Variants in MDGA2 observed in about 807,000 individuals in gnomAD.
MDGA2 encodes the protein MAM domain containing glycosylphosphatidylinositol anchor 2, also known as MAM domain-containing glycosylphosphatidylinositol anchor protein 2.
MDGA2 carries 40 observed loss-of-function variants against 117.8 expected under a neutral mutation model. The observed-to-expected ratio is 0.34, with a 90% confidence interval of 0.26 to 0.44. The LOEUF (loss-of-function observed/expected upper bound fraction) is 0.44, where lower values mean the gene tolerates loss of function less well. Ranked by LOEUF, MDGA2 falls within the 20% of genes least tolerant of loss-of-function variation. MDGA2 has a pLI of 1.00. For synonymous variants in MDGA2, 452 were observed against 439.0 expected (o/e 1.03, Z -0.37); for missense variants, 1,123 against 1,250.6 (o/e 0.90, Z 1.54).
chr14:47,436,720 A>G (rs1892906943), intron 1 of MDGA2, among the ~76,000 whole-genome samples: 1 of 152,102 alleles, frequency 6.6e-6, no homozygotes. Context: ...TTTTTTTAGG[A>G]AAGTTTATGA....
intron 1 of MDGA2, among the ~76,000 whole-genome samples, chr14:47,316,112 A>G (rs1195112411): frequency 6.6e-6 from 1 of 152,006 alleles, no homozygotes; most frequent in Non-Finnish European, 1.5e-5. Flanking sequence ...TATAATGGGG[A>G]TGATATGGCT....
intron 2 of MDGA2, among the ~76,000 whole-genome samples, chr14:47,240,107 C>T (rs1160300522): frequency 5.9e-5 from 9 of 151,672 alleles, no homozygotes; most frequent in East Asian, 1.9e-4. Flanking sequence ...TGCAGTGGCA[C>T]GATCTCGGCT....
intron 15 of MDGA2, among the ~76,000 whole-genome samples, chr14:46,848,368 T>C (rs1445977732): frequency 1.3e-5 from 2 of 151,904 alleles, no homozygotes; most frequent in Admixed American, 6.6e-5. Context: ...TACTTCCAGA[T>C]GGGAGTCATA....
At chr14:47,007,052 A>C (rs946424010) in intron 8 of MDGA2, among the ~76,000 whole-genome samples, 7 of 151,788 alleles carry the variant, frequency 4.6e-5, no homozygotes, top group African/African-American at 7.2e-5. Context: ...TAAAAGTTCC[A>C]AGTTCCAGGT....
At chr14:47,153,729 T>C (rs923927707) in intron 3 of MDGA2, among the ~76,000 whole-genome samples, 5 of 144,392 alleles carry the variant, frequency 3.5e-5, no homozygotes, top group African/African-American at 1.0e-4. Flanking sequence ...AAAAAAACAG[T>C]TGGGCGGGAG....
chr14:47,499,891 T>A (rs1418748512), intron 1 of MDGA2, among the ~76,000 whole-genome samples: 1 of 152,158 alleles, frequency 6.6e-6, no homozygotes, highest in African/African-American at 2.4e-5. Flanking sequence ...CAGGCATTTA[T>A]CTTTGTCCAG....
At chr14:47,050,524 T>C (rs1566593420) in intron 7 of MDGA2, among the ~76,000 whole-genome samples, 1 of 151,994 alleles carries the variant, frequency 6.6e-6, no homozygotes, top group Admixed American at 6.6e-5. Flanking sequence ...TGTTATACAC[T>C]GAAATAAGAG....
chr14:46,944,460 C>A (rs1239519917), intron 9 of MDGA2, among the ~76,000 whole-genome samples: 1 of 151,548 alleles, frequency 6.6e-6, no homozygotes, highest in Non-Finnish European at 1.5e-5. Context: ...ATTTTTCTTG[C>A]CTTGTGCACC....
intron 1 of MDGA2, among the ~76,000 whole-genome samples, chr14:47,363,235 T>C (rs1489780037): frequency 6.6e-6 from 1 of 152,128 alleles, no homozygotes; most frequent in African/African-American, 2.4e-5. Flanking sequence ...ATTATTTATT[T>C]ATTTATGTGT....
At chr14:47,312,698 G>GTTTTTTT (rs10688219) in intron 1 of MDGA2, among the ~76,000 whole-genome samples, 1 of 133,714 alleles carries the variant, frequency 7.5e-6, no homozygotes, top group African/African-American at 2.8e-5. Flanking sequence ...GTTTTGTTTT[G>GTTTTTTT]TTTTTTTTTT....
At chr14:46,874,953 G>GA (rs914002531) in intron 12 of MDGA2, among the ~76,000 whole-genome samples, 25 of 151,238 alleles carry the variant, frequency 1.7e-4, no homozygotes, top group Non-Finnish European at 1.2e-4. Context: ...CTTACTGCTT[G>GA]AAAAAAATAG....
chr14:47,298,784 A>C (rs1889171062), intron 2 of MDGA2, among the ~76,000 whole-genome samples: 1 of 146,406 alleles, frequency 6.8e-6, no homozygotes, highest in Admixed American at 7.2e-5. Flanking sequence ...TCCCAGGTTC[A>C]CGCCATTCTC....
intron 1 of MDGA2, among the ~76,000 whole-genome samples, chr14:47,549,204 A>T (rs1895528092): frequency 6.6e-6 from 1 of 152,222 alleles, no homozygotes; most frequent in Non-Finnish European, 1.5e-5. Context: ...ACATAGAGAA[A>T]GCAAAAAAAT....
chr14:47,219,255 G>C (rs1338936799), intron 2 of MDGA2, among the ~76,000 whole-genome samples: 1 of 151,960 alleles, frequency 6.6e-6, no homozygotes, highest in African/African-American at 2.4e-5. Context: ...TAATTAAAAT[G>C]TATGAGCTAA....
intron 2 of MDGA2, among the ~76,000 whole-genome samples, chr14:47,259,051 C>A (rs1356542146): frequency 6.6e-6 from 1 of 151,998 alleles, no homozygotes; most frequent in Non-Finnish European, 1.5e-5. Context: ...GATACTCAAA[C>A]CTAAAAGCTA....
At chr14:47,061,620 T>A in intron 6 of MDGA2, 42 bp from the exon 7 acceptor site, 4 of 1,499,460 alleles carry the variant, frequency 2.7e-6, no homozygotes, top group Non-Finnish European at 3.6e-6. Context: ...GTTACTTTCA[T>A]AACTTTAAGG....
At chr14:47,178,900 A>G (rs1884588165) in intron 3 of MDGA2, among the ~76,000 whole-genome samples, 1 of 152,278 alleles carries the variant, frequency 6.6e-6, no homozygotes, top group Middle Eastern at 3.4e-3. Context: ...TACAGTATAC[A>G]AGTACCTTAT....
intron 1 of MDGA2, chr14:47,343,032 A>T: frequency 7.9e-7 from 1 of 1,266,414 alleles, no homozygotes; most frequent in Non-Finnish European, 1.0e-6. Flanking sequence ...TGGGAGAAGC[A>T]GGCAGCACTA....
intron 8 of MDGA2, among the ~76,000 whole-genome samples, chr14:47,018,406 T>A (rs991221829): frequency 6.6e-6 from 1 of 152,120 alleles, no homozygotes; most frequent in African/African-American, 2.4e-5. Context: ...GATGGCTATC[T>A]GGGAACACTG....
Sources: allele counts gnomAD v4.1 joint callset (sites outside exome capture counted in the v4.1 genomes callset), GRCh38; gene constraint gnomAD v4.1.1; transcripts MANE v1.5; gene names NCBI Gene and HGNC (gene_info 2026-07-23, HGNC 2026-07-21).